The following PDIA4 variants were observed in gnomAD, a reference collection of about 807,000 sequenced individuals.
PDIA4 encodes protein disulfide isomerase family A member 4, also known as protein disulfide-isomerase A4.
PDIA4 carries 33 observed loss-of-function variants against 62.1 expected under a neutral mutation model. That is an observed-to-expected ratio of 0.53 (90% CI 0.40 to 0.71). The LOEUF is 0.71. Ranked by LOEUF, PDIA4 falls within the 30% of genes least tolerant of loss-of-function variation. The probability of loss-of-function intolerance (pLI) is 0.00; values close to 1 mark genes in which losing one functional copy is unlikely to be tolerated. For synonymous variants in PDIA4, 341 were observed against 324.1 expected (o/e 1.05, Z -0.56); for missense variants, 804 against 813.6 (o/e 0.99, Z 0.14).
At chr7:149,006,106 C>T (rs1410814195) in intron 7 of PDIA4, 53 bp from the exon 8 acceptor site, 3 of 1,519,668 alleles carry the variant, frequency 2.0e-6, no homozygotes, top group African/African-American at 2.9e-5. Context: ...CACCATTGTT[C>T]TTGAGTACAA....
chr7:149,010,594 C>A (rs1009706062), intron 6 of PDIA4, among the ~76,000 whole-genome samples: 2 of 152,158 alleles, frequency 1.3e-5, no homozygotes, highest in African/African-American at 4.8e-5. Context: ...CAGAGACAGA[C>A]CCGCATCAAG....
At position 149,015,000 on chromosome 7, in the gene PDIA4, G is replaced by A. The variant is rs2290971; in HGVS notation, c.518C>T (p.Thr173Met). ...CACAAGCGTGACTTCTGGTGGAGGC[G>A]TCCAGTCGGGCTGGGAGACTTCTCT... ...KVREVSQPDWTPPPEVTLVLT... is the reference protein window; with the variant it reads ...KVREVSQPDWMPPPEVTLVLT... Residue 173 changes from threonine (T) to methionine (M), a missense_variant, in exon 4 of 10, where the codon ACG (threonine) becomes ATG (methionine). Transcript: ENST00000652332. The A allele has an allele frequency of 0.013, 21,160 of 1,614,036 alleles. 245 individuals are homozygous for A. Among genetic ancestry groups the A allele is most frequent in the East Asian group, 0.068 (3,044 of 44,882 alleles).
intron 7 of PDIA4, among the ~76,000 whole-genome samples, chr7:149,007,543 G>C (rs1330474853): frequency 6.6e-6 from 1 of 152,204 alleles, no homozygotes; most frequent in African/African-American, 2.4e-5. Flanking sequence ...TCTACTCACC[G>C]AAGTGCAGGG....
In PDIA4 at chr7:149,015,742, A is replaced by G. The variant is rs182090784; in HGVS notation, c.476-700T>C. 2.7e-3 allele frequency among the ~76,000 whole-genome samples: 417 copies of G among 152,364 alleles called. 2 individuals are homozygous for G. Among genetic ancestry groups the G allele is most frequent in the African/African-American group, 9.6e-3 (399 of 41,590 alleles). ...CAGAATCTACCAAGGAGCCAAATCT[A>G]CAGCCACTCCTGCAAAGCTGCAGTC... is the stretch of plus-strand genomic sequence containing the variant. On this transcript the variant is annotated intron_variant, in intron 3 of 9. Coordinates refer to ENST00000652332, the MANE Select transcript of PDIA4 (RefSeq NM_004911.5).
rs757329298 is a variant in PDIA4 at position 149,019,066 on chromosome 7, A to G, written c.401T>C (p.Val134Ala). 1.2e-5 allele frequency: 19 copies of G among 1,613,256 alleles called. No individual in the cohort carries two copies. The East Asian group carries it at 3.6e-4, about 30-fold the overall frequency. ...GATCTTGATGGTGGGGTAGCCACTC[A>G]CATCAAACCTGCTGGCCAGCACAGA... ...SASVLASRFDVSGYPTIKILK... is the reference protein window; with the variant it reads ...SASVLASRFDASGYPTIKILK... The change falls in exon 3 of 10, where the codon GTG (valine) becomes GCG (alanine). Residue 134 changes from valine to alanine, a missense_variant. Transcript: ENST00000652332.
At chr7:149,021,349 C>A (rs1824345785) in intron 1 of PDIA4, among the ~76,000 whole-genome samples, 1 of 151,946 alleles carries the variant, frequency 6.6e-6, no homozygotes, top group Non-Finnish European at 1.5e-5. Flanking sequence ...ATTAGCCGGG[C>A]ATGGTGGCAC....
At chr7:149,008,739 GA>G (rs928824459) in intron 6 of PDIA4, among the ~76,000 whole-genome samples, 23 of 151,478 alleles carry the variant, frequency 1.5e-4, no homozygotes, top group African/African-American at 5.1e-4. Context: ...AAAAAGAAAA[GA>G]AAAAAAGTCA....
chr7:149,014,795 G>A (rs1029101164), intron 4 of PDIA4, 109 bp downstream of exon 4: 12 of 993,686 alleles, frequency 1.2e-5, no homozygotes, highest in African/African-American at 4.8e-5. Context: ...CCTACAACTC[G>A]TGCCCACCTT....
chr7:149,007,736 G>A (rs898604391), intron 7 of PDIA4, among the ~76,000 whole-genome samples: 1 of 152,254 alleles, frequency 6.6e-6, no homozygotes, highest in African/African-American at 2.4e-5. Flanking sequence ...GAACAGACAG[G>A]GATGCTGTCC....
intron 3 of PDIA4, among the ~76,000 whole-genome samples, chr7:149,017,006 G>C (rs1004821446): frequency 6.6e-6 from 1 of 152,154 alleles, no homozygotes; most frequent in African/African-American, 2.4e-5. Flanking sequence ...AGGAGCAGAG[G>C]AGAGCCTCTC....
intron 3 of PDIA4, 64 bp from the exon 4 acceptor site, chr7:149,015,106 CAGA>C: frequency 6.4e-7 from 1 of 1,558,902 alleles, no homozygotes; most frequent in African/African-American, 1.4e-5. Context: ...CACCTCCCTC[CAGA>C]AGCAGATGAG....
rs186912479 is a variant in PDIA4, at chr7:149,018,618, G to A, written c.475+374C>T. Among the ~76,000 whole-genome samples, 336 of 152,210 alleles carry A rather than the reference G, an allele frequency of 2.2e-3. 3 individuals are homozygous for A. The highest frequency in any genetic ancestry group is 7.5e-3 in the African/African-American group (312 of 41,522). On this transcript the variant is annotated intron_variant, in intron 3 of 9. Coordinates refer to ENST00000652332, the MANE Select transcript of PDIA4 (RefSeq NM_004911.5). ...AGCTAATTGTTGTATTTTTAGTAGAGATGGGGTTTCACCATGTTGGTCAGG... is the reference window on the plus strand; with the variant it reads ...AGCTAATTGTTGTATTTTTAGTAGAAATGGGGTTTCACCATGTTGGTCAGG...
chr7:149,008,396 A>C, intron 6 of PDIA4, 86 bp from the exon 7 acceptor site: 1 of 1,427,698 alleles, frequency 7.0e-7, no homozygotes, highest in South Asian at 1.3e-5. Flanking sequence ...GCCAAAGCAA[A>C]TGTTCTGAAA....
Position 149,003,790 on chromosome 7 carries a change from G to A in PDIA4, c.*4C>T. 6.5e-7 allele frequency: 1 copy of A among 1,529,746 alleles called. No homozygotes were observed. Among genetic ancestry groups the A allele is most frequent in the African/African-American group, 1.4e-5 (1 of 72,328 alleles). 94.8% of individuals were successfully genotyped at this position (1,529,746 alleles called of 1,614,324 possible). A position where few individuals can be genotyped will look rare whatever the true frequency, so the allele number is the denominator to read the frequency against. On this transcript the variant is annotated 3_prime_UTR_variant, in exon 10 of 10. Coordinates refer to ENST00000652332, the MANE Select transcript of PDIA4 (RefSeq NM_004911.5). Reference sequence around the variant, plus strand: ...TCCTCCCACCTTCCGCAGACCTCAGGCCTTCAAAGCTCTTCCTTGGTCCTG... The same window carrying A: ...TCCTCCCACCTTCCGCAGACCTCAGACCTTCAAAGCTCTTCCTTGGTCCTG...
chr7:149,006,450 C>T (rs1823759218), intron 7 of PDIA4, among the ~76,000 whole-genome samples: 1 of 152,250 alleles, frequency 6.6e-6, no homozygotes, highest in Non-Finnish European at 1.5e-5. Flanking sequence ...AGGGCTCACA[C>T]TTCACAACGA....
chr7:149,024,218 G>A (rs1196110528), intron 1 of PDIA4, among the ~76,000 whole-genome samples: 1 of 152,126 alleles, frequency 6.6e-6, no homozygotes, highest in East Asian at 1.9e-4. Flanking sequence ...TTGCACCCCA[G>A]CCTGCGTGAC....
At chr7:149,006,223 C>T (rs547665274) in intron 7 of PDIA4, 170 bp from the exon 8 acceptor site, 20 of 590,930 alleles carry the variant, frequency 3.4e-5, no homozygotes, top group Admixed American at 1.3e-4. Context: ...CATTCCCTAC[C>T]GTCTTTTGGG....
chr7:149,023,048 G>T (rs973435279), intron 1 of PDIA4, among the ~76,000 whole-genome samples: 2 of 152,016 alleles, frequency 1.3e-5, no homozygotes, highest in African/African-American at 4.8e-5. Flanking sequence ...ACCCATCTGA[G>T]ATGAGCCTCC....
rs1824642050 is a variant in PDIA4, at chr7:149,028,473, T to C, written c.-65A>G. 2.6e-6 allele frequency: 3 copies of C among 1,144,224 alleles called. No individual in the cohort carries two copies. Among genetic ancestry groups the C allele is most frequent in the South Asian group, 3.1e-5 (2 of 63,670 alleles). 70.9% of individuals were successfully genotyped at this position (1,144,224 alleles called of 1,614,324 possible). A position where few individuals can be genotyped will look rare whatever the true frequency, so the allele number is the denominator to read the frequency against. ...CGCTGAGCGCACCGAGAACTCGGGG[T>C]CTGGCCGACAGCCCGTCGCTCCTTA... is the stretch of plus-strand genomic sequence containing the variant. On this transcript the variant is annotated 5_prime_UTR_variant, in exon 1 of 10. Coordinates refer to ENST00000652332, the MANE Select transcript of PDIA4 (RefSeq NM_004911.5).
Sources: allele counts gnomAD v4.1 joint callset (sites outside exome capture counted in the v4.1 genomes callset), GRCh38; gene constraint gnomAD v4.1.1; transcripts MANE v1.5; gene names NCBI Gene and HGNC (gene_info 2026-07-23, HGNC 2026-07-21).